Variants in RPL7A observed in about 807,000 individuals in gnomAD.
RPL7A encodes large ribosomal subunit protein eL8.
For missense variants in RPL7A, 291 were observed against 338.2 expected, an observed-to-expected ratio of 0.86 and a Z score of 1.09; for synonymous variants, 158 against 128.2, an observed-to-expected ratio of 1.23 and a Z score of -1.57.
chr9:133,350,910 CA>C, intron 6 of RPL7A, 91 bp from the exon 7 acceptor site: 1 of 1,512,720 alleles, frequency 6.6e-7, no homozygotes, highest in Non-Finnish European at 9.2e-7. Flanking sequence ...GCATCTGAGG[CA>C]AAAGACTGTC....
At chr9:133,350,752 C>G (rs2129995854) in intron 6 of RPL7A, 25 bp downstream of exon 6, 2 of 1,609,518 alleles carry the variant, frequency 1.2e-6, no homozygotes, top group South Asian at 2.2e-5. Flanking sequence ...TGGCCCCAAA[C>G]TTCCCCCCAG....
At chr9:133,351,197 AC>A in intron 7 of RPL7A, 64 bp from the exon 8 acceptor site, 1 of 1,562,572 alleles carries the variant, frequency 6.4e-7, no homozygotes, top group Non-Finnish European at 8.8e-7. Context: ...AATTAACGCA[AC>A]TAATAACCTT....
intron 6 of RPL7A, 26 bp downstream of exon 6, chr9:133,350,753 T>A: frequency 6.2e-7 from 1 of 1,608,890 alleles, no homozygotes; most frequent in South Asian, 1.1e-5. Context: ...GGCCCCAAAC[T>A]TCCCCCCAGT....
chr9:133,349,070 G>A lies in RPL7A; in HGVS notation c.124+28G>A, dbSNP rs2129983221. The A allele has an allele frequency of 6.8e-6, 11 of 1,610,634 alleles. 1 individual carries two copies. In the South Asian group the frequency reaches 9.9e-5, roughly 15 times the overall value. ...AAGTAACAAACGGCAGAATGAAAAC[G>A]GTCTATGTTTTTCTCAAGGGAAGGT... On this transcript the variant is annotated intron_variant, in intron 2 of 7. Transcript: ENST00000323345.
intron 7 of RPL7A, 50 bp downstream of exon 7, chr9:133,351,121 C>T (rs1836387253): frequency 6.3e-7 from 1 of 1,589,618 alleles, no homozygotes; most frequent in Admixed American, 1.7e-5. Flanking sequence ...ATCTTTCTCC[C>T]AAATAACTGG....
At position 133,349,534 on chromosome 9, in the gene RPL7A, C is replaced by G. The variant is rs1564343931; in HGVS notation, c.125-17C>G. The G allele has an allele frequency of 6.2e-7, 1 of 1,613,964 alleles. No homozygotes were observed. The highest frequency in any genetic ancestry group is 1.3e-5 in the African/African-American group (1 of 74,930). ...ATGGAATTTGAGCCTCACTCGGTGT[C>G]ACCCTTTACTTCTCAGGACAGGACA... On this transcript the variant is annotated splice_polypyrimidine_tract_variant and intron_variant, in intron 2 of 7. Coordinates refer to ENST00000323345, the MANE Select transcript of RPL7A (RefSeq NM_000972.3).
chr9:133,350,442 C>T (rs2129993579), intron 5 of RPL7A, 123 bp downstream of exon 5: 16 of 1,488,656 alleles, frequency 1.1e-5, no homozygotes, highest in Admixed American at 1.7e-5. Context: ...ACAGATCCAA[C>T]ACATGCGTGG....
At chr9:133,350,522 G>C (rs1302559769) in intron 5 of RPL7A, 75 bp from the exon 6 acceptor site, 3 of 1,609,750 alleles carry the variant, frequency 1.9e-6, no homozygotes, top group South Asian at 2.2e-5. Context: ...TTTTAACCCT[G>C]AGCAATTGTT....
intron 1 of RPL7A, chr9:133,348,628 G>C (rs1836284105): frequency 1.6e-6 from 1 of 632,206 alleles, no homozygotes; most frequent in Admixed American, 2.3e-5. Context: ...GTGGGGCCGC[G>C]ACTCAGAGGA....
Position 133,349,246 on chromosome 9 carries a change from G to C in RPL7A, c.124+204G>C. Reference sequence around the variant, plus strand: ...CGAGCATTCAGCTCAATATGGTAGTGGCCTTGAATTCAGCTTAGCCATCTG... The same window carrying C: ...CGAGCATTCAGCTCAATATGGTAGTCGCCTTGAATTCAGCTTAGCCATCTG... On this transcript the variant is annotated intron_variant, in intron 2 of 7. Transcript: ENST00000323345. The C allele has an allele frequency of 1.1e-5, 8 of 747,646 alleles. 1 individual carries two copies. In the South Asian group the frequency reaches 1.3e-4, roughly 12 times the overall value. The allele number at this position is 747,646 out of a possible 1,614,324, so 46.3% of individuals were successfully genotyped here. A position where few individuals can be genotyped will look rare whatever the true frequency, so the allele number is the denominator to read the frequency against.
At position 133,348,218 on chromosome 9, in the gene RPL7A, CTT is replaced by C; in HGVS notation, c.-24_-23del. The C allele has an allele frequency of 6.2e-7, 1 of 1,614,040 alleles. No individual in the cohort carries two copies. Among genetic ancestry groups the C allele is most frequent in the Non-Finnish European group, 8.5e-7 (1 of 1,179,970 alleles). On this transcript the variant is annotated 5_prime_UTR_variant, in exon 1 of 8. Transcript: ENST00000323345. ...TACATATTACCCACAATTCCCTTTC[CTT>C]TCTCTCTCCTCCCGCCGCCCAAGAT...
At chr9:133,350,976 C>G in intron 6 of RPL7A, 26 bp from the exon 7 acceptor site, 4 of 1,613,478 alleles carry the variant, frequency 2.5e-6, no homozygotes, top group Admixed American at 1.7e-5. Context: ...AAAAAACCCA[C>G]TTTTGTTTCC....
At chr9:133,349,521 C>G (rs2129986902) in intron 2 of RPL7A, 30 bp from the exon 3 acceptor site, 6 of 1,613,832 alleles carry the variant, frequency 3.7e-6, no homozygotes, top group Admixed American at 3.3e-5. Context: ...GGAATTTGAG[C>G]CTCACTCGGT....
Position 133,348,934 on chromosome 9 carries a change from A to G in RPL7A, c.16A>G (p.Lys6Glu), listed in dbSNP as rs2129982259. 5 of 1,613,966 alleles carry G rather than the reference A, an allele frequency of 3.1e-6. No individual in the cohort carries two copies. Among genetic ancestry groups the G allele is most frequent in the African/African-American group, 1.3e-5 (1 of 75,052 alleles). ...TCTTTCTGCCCAGCCGAAAGGAAAGAAGGCCAAGGGAAAGAAGGTGGCTCC... is the reference window on the plus strand; with the variant it reads ...TCTTTCTGCCCAGCCGAAAGGAAAGGAGGCCAAGGGAAAGAAGGTGGCTCC... MPKGK[K>E]AKGKKVAPAP... Residue 6 changes from lysine (K) to glutamate (E), a missense_variant, in exon 2 of 8, where the codon AAG becomes GAG. By Grantham distance (56) the Lys-to-Glu change is moderately conservative (BLOSUM62 1). Transcript: ENST00000323345.
intron 2 of RPL7A, 121 bp from the exon 3 acceptor site, chr9:133,349,430 A>C (rs1564343763): frequency 1.7e-6 from 2 of 1,163,610 alleles, no homozygotes; most frequent in African/African-American, 1.5e-5. Flanking sequence ...GCTATCTGAG[A>C]GATGGTGATG....
At chr9:133,350,420 G>A (rs2129993438) in intron 5 of RPL7A, 101 bp downstream of exon 5, 8 of 1,499,812 alleles carry the variant, frequency 5.3e-6, no homozygotes, top group Non-Finnish European at 7.4e-6. Flanking sequence ...AGTGGGTGAG[G>A]GCAGTACTGA....
In RPL7A at chr9:133,350,746, C is replaced by T. The variant is rs370586883; in HGVS notation, c.626+19C>T. 6.2e-7 allele frequency: 1 copy of T among 1,609,942 alleles called. No individual in the cohort carries two copies. Among genetic ancestry groups the T allele is most frequent in the African/African-American group, 1.3e-5 (1 of 74,858 alleles). Reference sequence around the variant, plus strand: ...TGAACTCGTAAGTACACAGCCTGGCCCCAAACTTCCCCCCAGTTCATTTAA... The same window carrying T: ...TGAACTCGTAAGTACACAGCCTGGCTCCAAACTTCCCCCCAGTTCATTTAA... On this transcript the variant is annotated intron_variant, in intron 6 of 7. Transcript: ENST00000323345.
At position 133,350,948 on chromosome 9, in the gene RPL7A, T is replaced by C. The variant is rs2129997093; in HGVS notation, c.627-54T>C. The C allele has an allele frequency of 5.0e-6, 8 of 1,592,114 alleles. No individual in the cohort carries two copies. In the South Asian group the frequency reaches 8.8e-5, roughly 18 times the overall value. On this transcript the variant is annotated intron_variant, in intron 6 of 7. Coordinates refer to ENST00000323345, the MANE Select transcript of RPL7A (RefSeq NM_000972.3). ...TGAGCTAAAAGGTATTTTTGCATTC[T>C]AAAAGGGAAACTAAGGCAAAAAACC... is the stretch of plus-strand genomic sequence containing the variant.
intron 1 of RPL7A, 99 bp downstream of exon 1, chr9:133,348,345 TG>T: frequency 6.6e-7 from 1 of 1,518,564 alleles, no homozygotes; most frequent in Non-Finnish European, 9.1e-7. Context: ...CTGCTCCTCC[TG>T]GCGCTAGGAG....
Sources: allele counts gnomAD v4.1 joint callset, GRCh38; gene constraint gnomAD v4.1.1; transcripts MANE v1.5; gene names NCBI Gene and HGNC (gene_info 2026-07-23, HGNC 2026-07-21).